The following MUC3A variants were observed in gnomAD, a reference collection of about 807,000 sequenced individuals.
MUC3A encodes mucin 3A, cell surface associated, also known as mucin-3A.
Under a neutral mutation model 109.0 loss-of-function variants are expected in MUC3A, and 109 were observed. That is an observed-to-expected ratio of 1.00 (90% CI 0.86 to 1.17). The LOEUF is 1.17. Among genes scored for constraint, MUC3A ranks in the 50% most tolerant of loss-of-function variants. The pLI, the probability that MUC3A is intolerant of heterozygous loss-of-function variation, is 0.00. For missense variants in MUC3A, 3,537 were observed against 2,469.4 expected (o/e 1.43, Z -9.16); for synonymous variants, 1,398 against 981.4 (o/e 1.42, Z -7.93).
At chr7:100,964,511 C>T in intron 5 of MUC3A, 184 bp from the exon 6 acceptor site, 1 of 979,450 alleles carries the variant, frequency 1.0e-6, no homozygotes, top group African/African-American at 1.6e-5. Context: ...CTTGTCCTGC[C>T]TTCCCAGGCA....
rs200149932 is a variant in MUC3A at position 100,952,240 on chromosome 7, C to T, written c.461C>T (p.Thr154Ile). The change falls in exon 2 of 12, where the codon ACC becomes ATC. Residue 154 changes from threonine (T) to isoleucine (I), a missense_variant. Transcript: ENST00000379458. ...GTGACCACGACGCAGGTGGCCTTCA[C>T]CAGCTCTTACACCTCGACTCCCGTG... ...ICVTTTQVAFTSSYTSTPVTQ... is the reference protein window; with the variant it reads ...ICVTTTQVAFISSYTSTPVTQ... The T allele has an allele frequency of 2.3e-5, 37 of 1,598,400 alleles. No individual in the cohort carries two copies. In the Middle Eastern group the frequency reaches 9.9e-4, roughly 43 times the overall value.
At chr7:100,965,181 T>A in intron 6 of MUC3A, 101 bp from the exon 7 acceptor site, 2 of 1,527,996 alleles carry the variant, frequency 1.3e-6, no homozygotes, top group Non-Finnish European at 1.8e-6. Flanking sequence ...GAGAGAGCCC[T>A]CACTGCCCTC....
chr7:100,966,575 G>T lies in MUC3A; in HGVS notation c.9785+16G>T. The T allele has an allele frequency of 1.9e-6, 3 of 1,548,366 alleles. No homozygotes were observed. The highest frequency in any genetic ancestry group is 1.9e-5 in the Admixed American group (1 of 53,124). On this transcript the variant is annotated intron_variant, in intron 9 of 11. Transcript: ENST00000379458. Reference sequence around the variant, plus strand: ...GCCGAGGCCGGTGAGCGTGCGGGGGGCGGGGCCGGGGGGCGAGGGCAGCCA... The same window carrying T: ...GCCGAGGCCGGTGAGCGTGCGGGGGTCGGGGCCGGGGGGCGAGGGCAGCCA...
rs1405075930 is a variant in MUC3A at position 100,965,411 on chromosome 7, T to A, written c.9448+64T>A. ...TATGATCCGGGCTACCAGGGACATT[T>A]GCCCATTGAAGCCTGTGGGCAGGGA... On this transcript the variant is annotated intron_variant, in intron 7 of 11. Transcript: ENST00000379458. 5.1e-6 allele frequency: 8 copies of A among 1,565,602 alleles called. No homozygotes were observed. In the African/African-American group the frequency reaches 9.4e-5, roughly 18 times the overall value.
At position 100,957,561 on chromosome 7, in the gene MUC3A, A is replaced by G. The variant is rs1265087147; in HGVS notation, c.5782A>G (p.Ile1928Val). Residue 1928 changes from isoleucine (I) to valine (V), a missense_variant, in exon 2 of 12, where the codon ATC becomes GTC. Physicochemically the swap from Ile to Val is conservative, Grantham distance 29. Transcript: ENST00000379458. ...CAGTACTCCCAGATTCACTTCTTCA[A>G]TCACCACTACCGAGACCCCCTCACA... ...SHSTPRFTSS[I>V]TTTETPSHST... 3.2e-6 allele frequency: 5 copies of G among 1,575,906 alleles called. No individual in the cohort carries two copies. The highest frequency in any genetic ancestry group is 4.5e-5 in the East Asian group (2 of 44,744).
rs779131257 is a variant in MUC3A, at chr7:100,960,405, A to C, written c.8626A>C (p.Ser2876Arg). ...LPTSETWLSN[S>R]SVIPLPLPGV... is the part of the protein sequence containing the mutation. ...CACCAGTGAGACCTGGCTGAGCAAC[A>C]GTTCTGTGATCCCCCTACCTCTTCC... The change falls in exon 2 of 12, where the codon AGT becomes CGT. Residue 2876 changes from serine (S) to arginine (R), a missense_variant. Coordinates refer to ENST00000379458, the MANE Select transcript of MUC3A (RefSeq NM_005960.2). 1 of 1,598,552 alleles carries C rather than the reference A, an allele frequency of 6.3e-7. No individual in the cohort carries two copies. Among genetic ancestry groups the C allele is most frequent in the South Asian group, 1.1e-5 (1 of 91,092 alleles).
rs1415976811 is a variant in MUC3A at position 100,956,069 on chromosome 7, G to T, written c.4290G>T (p.Glu1430Asp). ...ILSSTPVPST[E>D]VTTSHTTNTN... Reference sequence around the variant, plus strand: ...CTTCTACACCTGTCCCAAGCACAGAGGTGACCACCAGTCATACCACAAACA... The same window carrying T: ...CTTCTACACCTGTCCCAAGCACAGATGTGACCACCAGTCATACCACAAACA... Residue 1430 changes from glutamate to aspartate, a missense_variant, in exon 2 of 12, where the codon GAG becomes GAT. Physicochemically the swap from Glu to Asp is conservative, Grantham distance 45 (BLOSUM62 2). Transcript: ENST00000379458. The T allele has an allele frequency of 1.5e-5, 6 of 403,008 alleles. No homozygotes were observed. The South Asian group carries it at 6.0e-4, about 40-fold the overall frequency. 25.0% of individuals were successfully genotyped at this position (403,008 alleles called of 1,614,324 possible).
At chr7:100,949,729 G>A (rs1791881296) in intron 1 of MUC3A, 44 bp downstream of exon 1, 3 of 1,471,976 alleles carry the variant, frequency 2.0e-6, no homozygotes. Context: ...AGCTCCTGAT[G>A]TGATGTTCCA....
At chr7:100,965,903 C>G in intron 8 of MUC3A, 37 bp downstream of exon 8, 1 of 1,564,302 alleles carries the variant, frequency 6.4e-7, no homozygotes, top group African/African-American at 1.3e-5. Flanking sequence ...AGCCGAGCCC[C>G]TCCCACTCAT....
intron 3 of MUC3A, among the ~76,000 whole-genome samples, chr7:100,962,815 T>TCAGACAA (rs1792380301): frequency 1.2e-5 from 1 of 80,112 alleles, no homozygotes. Context: ...CTCTCTCTCT[T>TCAGACAA]TCTTTCTTTC....
chr7:100,964,975 T>C, intron 6 of MUC3A, 132 bp downstream of exon 6: 2 of 1,391,084 alleles, frequency 1.4e-6, no homozygotes, highest in Non-Finnish European at 9.6e-7. Flanking sequence ...GGGGAATAAG[T>C]CCACACACAA....
chr7:100,954,713 C>A lies in MUC3A; in HGVS notation c.2934C>A (p.Ser978Arg). Residue 978 changes from serine (S) to arginine (R), a missense_variant, in exon 2 of 12, where the codon AGC (serine) becomes AGA (arginine). Physicochemically the swap from Ser to Arg is moderately radical, Grantham distance 110 (BLOSUM62 -1). Transcript: ENST00000379458. Reference sequence around the variant, plus strand: ...GCAGAGGTCAGACCACCTTTCCCAGCTCTACAGCCACATTCCCTGAGACCA... The same window carrying A: ...GCAGAGGTCAGACCACCTTTCCCAGATCTACAGCCACATTCCCTGAGACCA... ...TTGRGQTTFP[S>R]STATFPETTT... 2.5e-6 allele frequency: 1 copy of A among 400,578 alleles called. No homozygotes were observed. The highest frequency in any genetic ancestry group is 2.1e-5 in the African/African-American group (1 of 48,728). The allele number at this position is 400,578 out of a possible 1,614,324, so 24.8% of individuals were successfully genotyped here.
At chr7:100,963,891 GTATTTTTTC>G (rs1792429588) in intron 5 of MUC3A, 139 bp downstream of exon 5, 6 of 1,254,544 alleles carry the variant, frequency 4.8e-6, no homozygotes, top group Non-Finnish European at 6.7e-6. Context: ...CACTCCCTGG[GTATTTTTTC>G]GGATCGTTTT....
In MUC3A at chr7:100,955,290, T is replaced by G. The variant is rs1409513847; in HGVS notation, c.3511T>G (p.Ser1171Ala). The part of the protein sequence containing the change: ...STVSTSTTAI[S>A]SASPTSGTMV... ...AGTCAGCACATCCACAACTGCCATC[T>G]CCTCAGCTTCCCCTACCTCAGGTAC... Residue 1171 changes from serine (S) to alanine (A), a missense_variant, in exon 2 of 12, where the codon TCC (serine) becomes GCC (alanine). Physicochemically the swap from Ser to Ala is moderately conservative, Grantham distance 99. Coordinates refer to ENST00000379458, the MANE Select transcript of MUC3A (RefSeq NM_005960.2). 1.6e-5 allele frequency: 10 copies of G among 616,430 alleles called. No homozygotes were observed. Among genetic ancestry groups the G allele is most frequent in the Non-Finnish European group, 2.9e-5 (10 of 340,822 alleles). The allele number at this position is 616,430 out of a possible 1,614,324, so 38.2% of individuals were successfully genotyped here.
At position 100,958,844 on chromosome 7, in the gene MUC3A, T is replaced by C; in HGVS notation, c.7065T>C (p.Thr2355=). 1.9e-6 allele frequency: 3 copies of C among 1,548,544 alleles called. No homozygotes were observed. Among genetic ancestry groups the C allele is most frequent in the Non-Finnish European group, 2.6e-6 (3 of 1,145,172 alleles). ...CCACCGAGACCAACTCTCACAGTAC[T>C]ACCAGCTTCACTTCTTCGATCACCA... ...ITTTETNSHS[T]TSFTSSITTT... Residue 2355 remains threonine (T), a synonymous_variant, in exon 2 of 12, where the codon ACT becomes ACC. Coordinates refer to ENST00000379458, the MANE Select transcript of MUC3A (RefSeq NM_005960.2).
intron 5 of MUC3A, chr7:100,963,967 G>A (rs1026946671): frequency 3.0e-6 from 2 of 673,706 alleles, no homozygotes. Flanking sequence ...ACACTGGAAG[G>A]AGAGAAGTTG....
At position 100,953,082 on chromosome 7, in the gene MUC3A, A is replaced by G; in HGVS notation, c.1303A>G (p.Thr435Ala). The change falls in exon 2 of 12, where the codon ACC becomes GCC. Residue 435 changes from threonine to alanine, a missense_variant. Coordinates refer to ENST00000379458, the MANE Select transcript of MUC3A (RefSeq NM_005960.2). ...TACTATGGTGACTTCCACAACCATG[A>G]CCCCATCTTCTCTGAGTACAGACAT... Reference protein sequence around the residue: ...SGTMVTSTTMTPSSLSTDIPF... With the variant: ...SGTMVTSTTMAPSSLSTDIPF... 9.2e-7 allele frequency: 1 copy of G among 1,082,550 alleles called. No individual in the cohort carries two copies. The highest frequency in any genetic ancestry group is 1.3e-6 in the Non-Finnish European group (1 of 758,760). The allele number at this position is 1,082,550 out of a possible 1,614,324, so 67.1% of individuals were successfully genotyped here. A position where few individuals can be genotyped will look rare whatever the true frequency, so the allele number is the denominator to read the frequency against.
chr7:100,962,785 C>CTCTT (rs1320870591), intron 3 of MUC3A, among the ~76,000 whole-genome samples: 18 of 132,526 alleles, frequency 1.4e-4, no homozygotes, highest in Admixed American at 3.7e-4. Context: ...TTCTTTCTTT[C>CTCTT]TCTTTCTTTC....
chr7:100,965,873 C>T lies in MUC3A; in HGVS notation c.9611+7C>T. 1.3e-6 allele frequency: 2 copies of T among 1,588,652 alleles called. No homozygotes were observed. The highest frequency in any genetic ancestry group is 1.1e-5 in the South Asian group (1 of 89,918). ...CGAGCGGTCCCACGTGTCGGTAAGG[C>T]CCCGCTCACCATCGGCATCAGCCGA... is the stretch of plus-strand genomic sequence containing the variant. On this transcript the variant is annotated splice_region_variant and intron_variant, in intron 8 of 11. Transcript: ENST00000379458.
Sources: gnomAD v4.1 joint callset for allele counts (sites outside exome capture counted in the v4.1 genomes callset) on GRCh38, gnomAD v4.1.1 for gene constraint, MANE v1.5 for transcripts, NCBI Gene and HGNC (gene_info 2026-07-23, HGNC 2026-07-21) for gene names.